CADM2: variants seen among roughly 807,000 people sequenced by gnomAD.
CADM2 encodes cell adhesion molecule 2, also known as immunoglobulin superfamily member 4D.
A neutral mutation model predicts 49.8 loss-of-function variants in CADM2; 12 were observed. The ratio of observed to expected loss-of-function variants is 0.24; its 90% confidence interval spans 0.15 to 0.39. The LOEUF (loss-of-function observed/expected upper bound fraction) is 0.39, where lower values mean the gene tolerates loss of function less well. CADM2 is among the 10% of genes least tolerant of loss of function. The pLI is 1.00. For missense variants in CADM2, 378 were observed against 492.3 expected, an observed-to-expected ratio of 0.77 and a Z score of 2.20; for synonymous variants, 214 against 175.4, an observed-to-expected ratio of 1.22 and a Z score of -1.74.
intron 5 of CADM2, among the ~76,000 whole-genome samples, chr3:85,910,308 C>T (rs1386962756): frequency 6.6e-6 from 1 of 151,746 alleles, no homozygotes; most frequent in East Asian, 1.9e-4. Flanking sequence ...GAGCTAGGAA[C>T]AAGTAAACGT....
At chr3:85,523,373 C>T (rs375614359) in intron 1 of CADM2, among the ~76,000 whole-genome samples, 7 of 152,220 alleles carry the variant, frequency 4.6e-5, no homozygotes, top group African/African-American at 1.7e-4. Flanking sequence ...ATGAATTATG[C>T]ATCTCTTTCT....
chr3:85,662,275 T>G (rs941505405), intron 1 of CADM2, among the ~76,000 whole-genome samples: 4 of 150,938 alleles, frequency 2.7e-5, no homozygotes, highest in African/African-American at 9.8e-5. Context: ...AAGAATGGGA[T>G]GATGCCAGCA....
At chr3:85,999,275 G>GGT (rs1559791921) in intron 8 of CADM2, among the ~76,000 whole-genome samples, 1 of 151,280 alleles carries the variant, frequency 6.6e-6, no homozygotes, top group South Asian at 2.1e-4. Context: ...GAGGGTTGGG[G>GGT]GGTGGATCAC....
At chr3:85,511,725 G>C (rs1440208026) in intron 1 of CADM2, 2 of 195,702 alleles carry the variant, frequency 1.0e-5, no homozygotes, top group Non-Finnish European at 1.9e-5. Context: ...AAAGATCTCC[G>C]GGGTGCAAAA....
At chr3:86,038,477 A>G (rs762893090) in intron 8 of CADM2, among the ~76,000 whole-genome samples, 1 of 152,188 alleles carries the variant, frequency 6.6e-6, no homozygotes, top group Non-Finnish European at 1.5e-5. Context: ...CTAAACTCCA[A>G]TTAATCCTCT....
rs529619358 is a variant in CADM2 at position 85,971,442 on chromosome 3, T to C, written c.970+9795T>C. Among the ~76,000 whole-genome samples the C allele has an allele frequency of 2.0e-5, 3 of 151,838 alleles. No individual in the cohort carries two copies. The South Asian group carries it at 6.2e-4, about 31-fold the overall frequency. ...CATGCAAAATGGCTCTCAGCTACTTTATCACAGAGCCTACATGAAAAATCA... is the reference window on the plus strand; with the variant it reads ...CATGCAAAATGGCTCTCAGCTACTTCATCACAGAGCCTACATGAAAAATCA... On this transcript the variant is annotated intron_variant, in intron 8 of 9. Coordinates refer to ENST00000383699, the MANE Select transcript of CADM2 (RefSeq NM_001167675.2).
chr3:85,771,655 G>T (rs2070092248), intron 2 of CADM2, among the ~76,000 whole-genome samples: 2 of 152,036 alleles, frequency 1.3e-5, no homozygotes, highest in South Asian at 2.1e-4. Context: ...ATTTCTAAAA[G>T]GGTCTAAAAA....
intron 2 of CADM2, among the ~76,000 whole-genome samples, chr3:85,768,049 A>T (rs2069754375): frequency 6.6e-6 from 1 of 152,198 alleles, no homozygotes; most frequent in Admixed American, 6.6e-5. Context: ...CTTCTTTCTT[A>T]CATAGATTAG....
intron 1 of CADM2, among the ~76,000 whole-genome samples, chr3:85,027,275 C>T (rs1049829426): frequency 4.6e-5 from 7 of 151,564 alleles, no homozygotes; most frequent in Non-Finnish European, 8.8e-5. Context: ...CCACCAAGCC[C>T]GGCTAACTTT....
At chr3:85,319,071 G>A (rs1445923138) in intron 1 of CADM2, among the ~76,000 whole-genome samples, 1 of 152,138 alleles carries the variant, frequency 6.6e-6, no homozygotes. Context: ...AAGATTAAAG[G>A]CAAATCAAAA....
At chr3:85,942,137 T>C (rs961879961) in intron 7 of CADM2, among the ~76,000 whole-genome samples, 2 of 152,036 alleles carry the variant, frequency 1.3e-5, no homozygotes, top group African/African-American at 2.4e-5. Flanking sequence ...TTGATGTTTT[T>C]CACAATAACT....
At chr3:86,002,331 A>G (rs1253162753) in intron 8 of CADM2, among the ~76,000 whole-genome samples, 3 of 152,256 alleles carry the variant, frequency 2.0e-5, no homozygotes, top group Admixed American at 6.5e-5. Context: ...CAAGGTTATT[A>G]TTCTTTTGAG....
chr3:85,410,233 A>G (rs575287963), intron 1 of CADM2, among the ~76,000 whole-genome samples: 1 of 152,308 alleles, frequency 6.6e-6, no homozygotes, highest in African/African-American at 2.4e-5. Context: ...AAGGCATATC[A>G]TATCCCAAGA....
At chr3:85,398,626 T>G (rs1313932184) in intron 1 of CADM2, among the ~76,000 whole-genome samples, 1 of 152,166 alleles carries the variant, frequency 6.6e-6, no homozygotes, top group Non-Finnish European at 1.5e-5. Context: ...CCACCAACAG[T>G]GTAAAAGTGT....
chr3:85,697,315 A>G (rs1354492742), intron 1 of CADM2, among the ~76,000 whole-genome samples: 1 of 151,990 alleles, frequency 6.6e-6, no homozygotes, highest in Non-Finnish European at 1.5e-5. Context: ...TTTAGCTGAC[A>G]GATATATAAA....
chr3:85,024,233 C>A (rs564817951), intron 1 of CADM2, among the ~76,000 whole-genome samples: 1 of 152,126 alleles, frequency 6.6e-6, no homozygotes, highest in Admixed American at 6.6e-5. Flanking sequence ...CATGGAGAGC[C>A]CAACACTGGC....
intron 8 of CADM2, among the ~76,000 whole-genome samples, chr3:85,971,452 C>T (rs1170368535): frequency 1.3e-5 from 2 of 151,574 alleles, no homozygotes; most frequent in African/African-American, 2.4e-5. Context: ...TATCACAGAG[C>T]CTACATGAAA....
intron 1 of CADM2, among the ~76,000 whole-genome samples, chr3:85,225,737 C>A (rs1296461775): frequency 6.6e-6 from 1 of 152,020 alleles, no homozygotes; most frequent in Non-Finnish European, 1.5e-5. Context: ...GGCTGTTGGT[C>A]TGTCATAAAT....
At chr3:85,325,745 A>G (rs552651481) in intron 1 of CADM2, among the ~76,000 whole-genome samples, 3 of 151,636 alleles carry the variant, frequency 2.0e-5, no homozygotes, top group Non-Finnish European at 2.9e-5. Context: ...GAAGATTATC[A>G]TTTAATTTTT....
Sources: allele counts gnomAD v4.1 joint callset (sites outside exome capture counted in the v4.1 genomes callset), GRCh38; gene constraint gnomAD v4.1.1; transcripts MANE v1.5; gene names NCBI Gene and HGNC (gene_info 2026-07-23, HGNC 2026-07-21).